WDR64: variants seen among roughly 807,000 people sequenced by gnomAD.
The protein encoded by WDR64 is WD repeat-containing protein 64.
A neutral mutation model predicts 139.3 loss-of-function variants in WDR64; 112 were observed. The ratio of observed to expected loss-of-function variants is 0.80; its 90% CI spans 0.69 to 0.94. WDR64 has a LOEUF of 0.94. WDR64 is among the 40% of genes least tolerant of loss of function. The pLI is 0.00. For missense variants in WDR64, 1,206 were observed against 1,293.1 expected (o/e 0.93, Z 1.03); for synonymous variants, 444 against 437.7 (o/e 1.01, Z -0.18).
chr1:241,772,662 C>T lies in WDR64; in HGVS notation c.2291-130C>T. The T allele has an allele frequency of 3.3e-6, 3 of 906,600 alleles. No individual in the cohort carries two copies. The East Asian group carries it at 9.5e-5, about 29-fold the overall frequency. 56.2% of individuals were successfully genotyped at this position (906,600 alleles called of 1,614,324 possible). ...ATTTTTAGTAGAGACGGGGTTTCACCATGTTGGCCAGGCTGATCTGGAACT... is the reference window on the plus strand; with the variant it reads ...ATTTTTAGTAGAGACGGGGTTTCACTATGTTGGCCAGGCTGATCTGGAACT... On this transcript the variant is annotated intron_variant, in intron 19 of 27. Coordinates refer to ENST00000437684, the MANE Select transcript of WDR64 (RefSeq NM_001367482.1).
chr1:241,744,655 C>T, intron 13 of WDR64, 139 bp downstream of exon 13: 1 of 1,108,252 alleles, frequency 9.0e-7, no homozygotes. Flanking sequence ...ATTCCTGTGC[C>T]TGGGTGAATA....
At chr1:241,751,007 T>A (rs1479511997) in intron 14 of WDR64, among the ~76,000 whole-genome samples, 2 of 152,144 alleles carry the variant, frequency 1.3e-5, no homozygotes, top group Non-Finnish European at 1.5e-5. Context: ...ATTATTTACT[T>A]TATTATTATA....
At chr1:241,658,901 CT>C (rs35261788) in intron 1 of WDR64, among the ~76,000 whole-genome samples, 85,473 of 148,898 alleles carry the variant, frequency 0.57, 24,703 homozygotes, top group Non-Finnish European at 0.62. Context: ...AACACAAGAT[CT>C]TTTTTTTTTT....
chr1:241,674,256 C>CTTTTTTTTTTTTTTT (rs544401027), intron 3 of WDR64, among the ~76,000 whole-genome samples: 5 of 121,348 alleles, frequency 4.1e-5, no homozygotes, highest in African/African-American at 6.0e-5. Context: ...CTTTTTTTTT[C>CTTTTTTTTTTTTTTT]TTTTCTTTTT....
intron 10 of WDR64, 90 bp from the exon 11 acceptor site, chr1:241,738,273 T>G: frequency 6.9e-7 from 1 of 1,458,782 alleles, no homozygotes; most frequent in Admixed American, 2.1e-5. Context: ...TTTATAAGAG[T>G]GTATTTCAAA....
chr1:241,785,224 C>A (rs1223986948), intron 23 of WDR64, among the ~76,000 whole-genome samples: 3 of 152,088 alleles, frequency 2.0e-5, no homozygotes, highest in Non-Finnish European at 4.4e-5. Flanking sequence ...GCAGCTGTAA[C>A]AAAATACCTT....
At chr1:241,677,605 C>A (rs1392282731) in intron 4 of WDR64, among the ~76,000 whole-genome samples, 2 of 152,218 alleles carry the variant, frequency 1.3e-5, no homozygotes, top group Non-Finnish European at 1.5e-5. Context: ...CTCATATATA[C>A]AGTAGCTCTC....
At chr1:241,775,579 A>G (rs12753602) in intron 21 of WDR64, among the ~76,000 whole-genome samples, 34,899 of 116,110 alleles carry the variant, frequency 0.3, 4,335 homozygotes, top group Non-Finnish European at 0.36. Context: ...TAAATTAGAG[A>G]AAAAAAATGA....
chr1:241,783,001 G>A (rs1015973630), intron 22 of WDR64, among the ~76,000 whole-genome samples: 1 of 152,066 alleles, frequency 6.6e-6, no homozygotes, highest in East Asian at 1.9e-4. Flanking sequence ...TAAATGAATC[G>A]CTAATTCTCA....
chr1:241,787,171 G>T (rs371012784), intron 23 of WDR64, among the ~76,000 whole-genome samples: 5 of 149,302 alleles, frequency 3.3e-5, no homozygotes, highest in Non-Finnish European at 7.4e-5. Flanking sequence ...TGGCTAACAC[G>T]GTGAAACCCC....
intron 9 of WDR64, among the ~76,000 whole-genome samples, chr1:241,719,684 T>C (rs1668532074): frequency 1.3e-5 from 2 of 152,200 alleles, no homozygotes; most frequent in Admixed American, 1.3e-4. Flanking sequence ...GGATAATCTA[T>C]CAAAATAAAA....
chr1:241,766,170 G>C, intron 15 of WDR64, 48 bp from the exon 16 acceptor site: 1 of 1,581,416 alleles, frequency 6.3e-7, no homozygotes, highest in Non-Finnish European at 8.6e-7. Flanking sequence ...TTTGCACCGC[G>C]AATCATGAAT....
In WDR64 at chr1:241,772,883, C is replaced by A. The variant is rs944206059; in HGVS notation, c.2382C>A (p.Ile794=). Residue 794 remains isoleucine (I), a synonymous_variant, in exon 20 of 28, where the codon ATC becomes ATA. Transcript: ENST00000437684. ...IANLPEAQPP[I]LVTAHEDGHL... ...ATTTACCAGAAGCCCAGCCACCTAT[C>A]CTTGTCACTGCTCATGAGGATGGAC... 9.0e-6 allele frequency: 14 copies of A among 1,551,834 alleles called. No homozygotes were observed. The East Asian group carries it at 3.4e-4, about 38-fold the overall frequency.
chr1:241,767,225 G>A (rs1480540149), intron 16 of WDR64, among the ~76,000 whole-genome samples: 2 of 152,160 alleles, frequency 1.3e-5, no homozygotes, highest in Non-Finnish European at 2.9e-5. Context: ...ATTTATTACA[G>A]ATTGGGGCTA....
At chr1:241,685,745 A>G (rs7527828) in intron 7 of WDR64, among the ~76,000 whole-genome samples, 85,174 of 152,018 alleles carry the variant, frequency 0.56, 24,753 homozygotes, top group Non-Finnish European at 0.6. Context: ...TACTGGCTCC[A>G]TTTTCCATCC....
At chr1:241,681,056 G>A (rs1338198435) in intron 6 of WDR64, among the ~76,000 whole-genome samples, 1 of 151,778 alleles carries the variant, frequency 6.6e-6, no homozygotes, top group East Asian at 1.9e-4. Context: ...CTCCCCTCCT[G>A]TCTTGGCCAG....
At chr1:241,732,392 TTGTATC>T (rs1337267773) in intron 10 of WDR64, among the ~76,000 whole-genome samples, 4 of 152,248 alleles carry the variant, frequency 2.6e-5, no homozygotes, top group African/African-American at 9.6e-5. Context: ...CTATTAATCT[TTGTATC>T]TGTAACACCT....
intron 8 of WDR64, among the ~76,000 whole-genome samples, chr1:241,698,708 C>T (rs1462986860): frequency 2.0e-5 from 3 of 152,176 alleles, no homozygotes; most frequent in Non-Finnish European, 2.9e-5. Flanking sequence ...TGTCCCCCAA[C>T]CTCCAGAAAT....
At chr1:241,784,420 G>A (rs892216273) in intron 23 of WDR64, among the ~76,000 whole-genome samples, 2 of 152,228 alleles carry the variant, frequency 1.3e-5, no homozygotes, top group African/African-American at 2.4e-5. Flanking sequence ...CTATCCAGAA[G>A]GCAAAATCAA....
Sources: allele counts gnomAD v4.1 joint callset (sites outside exome capture counted in the v4.1 genomes callset), GRCh38; gene constraint gnomAD v4.1.1; transcripts MANE v1.5; gene names NCBI Gene and HGNC (gene_info 2026-07-23, HGNC 2026-07-21).